TMEM260: variants seen among roughly 807,000 people sequenced by gnomAD.
TMEM260 encodes protein O-mannosyl-transferase TMEM260.
Under a neutral mutation model 88.9 loss-of-function variants are expected in TMEM260, and 82 were observed. The observed-to-expected ratio is 0.92, with a 90% CI of 0.77 to 1.11. TMEM260 has a LOEUF of 1.11. Among genes scored for constraint, TMEM260 ranks in the 50% least tolerant of loss-of-function variants. The pLI is 0.00. For synonymous variants in TMEM260, 314 were observed against 309.3 expected (o/e 1.02, Z -0.16); for missense variants, 902 against 853.4 (o/e 1.06, Z -0.71).
At chr14:56,621,492 A>C in intron 10 of TMEM260, 39 bp from the exon 11 acceptor site, 4 of 1,487,636 alleles carry the variant, frequency 2.7e-6, no homozygotes, top group Non-Finnish European at 3.7e-6. Flanking sequence ...ACTGTAGCAA[A>C]GTGTTGCTAT....
intron 3 of TMEM260, among the ~76,000 whole-genome samples, chr14:56,586,340 A>G (rs1056185076): frequency 6.6e-6 from 1 of 152,182 alleles, no homozygotes; most frequent in Non-Finnish European, 1.5e-5. Context: ...AACATGTTGT[A>G]TACTTTCTGA....
intron 3 of TMEM260, among the ~76,000 whole-genome samples, chr14:56,602,182 CAATT>C (rs1382121329): frequency 1.3e-5 from 2 of 151,924 alleles, no homozygotes; most frequent in East Asian, 3.9e-4. Flanking sequence ...TTGTTACAGA[CAATT>C]AAATACTATA....
intron 15 of TMEM260, 146 bp from the exon 16 acceptor site, chr14:56,647,097 C>A: frequency 1.2e-6 from 1 of 851,888 alleles, no homozygotes; most frequent in Non-Finnish European, 1.8e-6. Flanking sequence ...CTTGGGTTCT[C>A]TGCATGGCTT....
At chr14:56,619,857 A>G (rs181225512) in intron 10 of TMEM260, among the ~76,000 whole-genome samples, 1 of 152,224 alleles carries the variant, frequency 6.6e-6, no homozygotes, top group East Asian at 1.9e-4. Flanking sequence ...TTACAGCGCT[A>G]TTCACAATAA....
chr14:56,652,193 A>G (rs1890218442), downstream of TMEM260, among the ~76,000 whole-genome samples: 1 of 152,184 alleles, frequency 6.6e-6, no homozygotes, highest in Non-Finnish European at 1.5e-5. Flanking sequence ...CTTGAGTATC[A>G]GCTAAGACAC....
intron 15 of TMEM260, among the ~76,000 whole-genome samples, chr14:56,642,763 C>A (rs1037902694): frequency 6.6e-6 from 1 of 152,040 alleles, no homozygotes; most frequent in South Asian, 2.1e-4. Context: ...AGACCACTAG[C>A]AAGACTAATA....
At chr14:56,634,872 GAT>G (rs762114728) in intron 13 of TMEM260, 25 bp from the exon 14 acceptor site, 1 of 1,577,984 alleles carries the variant, frequency 6.3e-7, no homozygotes, top group Non-Finnish European at 8.6e-7. Flanking sequence ...GTGACAGAAA[GAT>G]ATTACTGTTT....
chr14:56,634,843 A>C (rs1888907148), intron 13 of TMEM260, 56 bp from the exon 14 acceptor site: 4 of 296,144 alleles, frequency 1.4e-5, no homozygotes, highest in East Asian at 1.1e-4. Context: ...ATTCTGTCTC[A>C]AAAAAAAAAA....
intron 12 of TMEM260, among the ~76,000 whole-genome samples, chr14:56,632,665 G>A (rs1160234660): frequency 6.6e-6 from 1 of 151,744 alleles, no homozygotes; most frequent in Non-Finnish European, 1.5e-5. Context: ...GCCCAGGCTG[G>A]TCTCAAACCC....
At chr14:56,632,645 T>C (rs888024502) in intron 12 of TMEM260, among the ~76,000 whole-genome samples, 2 of 152,310 alleles carry the variant, frequency 1.3e-5, no homozygotes, top group Admixed American at 6.5e-5. Flanking sequence ...GATGGGGGTC[T>C]TGCTGTGTTG....
intron 5 of TMEM260, among the ~76,000 whole-genome samples, chr14:56,606,256 A>G (rs1171338890): frequency 6.6e-6 from 1 of 152,254 alleles, no homozygotes; most frequent in Non-Finnish European, 1.5e-5. Flanking sequence ...ATAAAGCAAC[A>G]GGAAAATTAC....
intron 6 of TMEM260, among the ~76,000 whole-genome samples, chr14:56,609,665 C>T (rs541014478): frequency 6.6e-6 from 1 of 152,182 alleles, no homozygotes; most frequent in South Asian, 2.1e-4. Context: ...TTTCCTTGAC[C>T]AAACCACTTC....
chr14:56,609,425 C>T (rs146184146), intron 6 of TMEM260, 140 bp downstream of exon 6: 3 of 760,608 alleles, frequency 3.9e-6, no homozygotes, highest in South Asian at 3.9e-5. Flanking sequence ...ACAAACTTGC[C>T]CCTTGGAATA....
At chr14:56,657,688 C>G in the TMEM260 span, among the ~76,000 whole-genome samples, 2 of 152,204 alleles carry the variant, frequency 1.3e-5, no homozygotes, top group Non-Finnish European at 2.9e-5. Context: ...GTGTTGCTTA[C>G]GAAATGTTTA....
chr14:56,632,791 A>G (rs900847582), intron 12 of TMEM260, among the ~76,000 whole-genome samples: 59 of 152,308 alleles, frequency 3.9e-4, no homozygotes, highest in African/African-American at 1.3e-3. Flanking sequence ...ATATCTCATT[A>G]GTCTTCAACA....
intron 11 of TMEM260, 137 bp downstream of exon 11, chr14:56,621,839 A>G: frequency 1.6e-6 from 1 of 619,472 alleles, no homozygotes; most frequent in Non-Finnish European, 2.5e-6. Context: ...GACATTCTAC[A>G]TGTTAGGTAG....
At chr14:56,650,715 G>A (rs887639741), downstream of TMEM260, 14 of 151,942 alleles carry the variant, frequency 9.2e-5, no homozygotes, top group East Asian at 1.9e-4. Context: ...ATACTCTGCC[G>A]GTAACTTTTA....
At chr14:56,608,310 A>G (rs770641336) in intron 5 of TMEM260, among the ~76,000 whole-genome samples, 63 of 152,188 alleles carry the variant, frequency 4.1e-4, no homozygotes, top group Non-Finnish European at 7.8e-4. Flanking sequence ...GTGAGAGACT[A>G]CCTTTCCCAG....
intron 7 of TMEM260, 88 bp from the exon 8 acceptor site, chr14:56,615,856 A>G (rs1359362274): frequency 4.2e-6 from 4 of 948,362 alleles, no homozygotes; most frequent in African/African-American, 1.6e-5. Flanking sequence ...TGTTCAGTAT[A>G]TAATCAATGG....
Sources: gnomAD v4.1 joint callset for allele counts (sites outside exome capture counted in the v4.1 genomes callset) on GRCh38, gnomAD v4.1.1 for gene constraint, MANE v1.5 for transcripts, NCBI Gene and HGNC (gene_info 2026-07-23, HGNC 2026-07-21) for gene names.